Variants in SMIM9 observed in about 807,000 individuals in gnomAD.
SMIM9 encodes chromosome X open reading frame 68.
Under a neutral mutation model 7.2 loss-of-function variants are expected in SMIM9, and 8 were observed. The ratio of observed to expected loss-of-function variants is 1.10; its 90% CI spans 0.65 to 1.99. SMIM9 has a LOEUF of 1.99. SMIM9 is among the 30% of genes most tolerant of loss of function. The pLI, the probability that SMIM9 is intolerant of heterozygous loss-of-function variation, is 0.00. For synonymous variants in SMIM9, 19 were observed against 26.4 expected (o/e 0.72, Z 0.86); for missense variants, 76 against 69.3 (o/e 1.10, Z -0.34).
chrX:154,833,838 G>C (rs1220228907), intron 1 of SMIM9, among the ~76,000 whole-genome samples: 1 of 111,333 alleles, frequency 9.0e-6, no homozygotes, highest in East Asian at 2.8e-4. Context: ...TGGCAAAAAT[G>C]GTATCTCAGT....
At chrX:154,824,204 A>AAAG (rs1226631616) in intron 4 of SMIM9, among the ~76,000 whole-genome samples, 2 of 109,124 alleles carry the variant, frequency 1.8e-5, no homozygotes, top group African/African-American at 6.7e-5. Context: ...AAAAATACAA[A>AAAG]AAATTAGCCT....
Position 154,834,621 on chromosome X carries a change from C to T in SMIM9, c.-268G>A, listed in dbSNP as rs2072460942. ...TGATGAGATTGGAGTCATGTATCTG[C>T]TGGGACTGCAGTCATCTGAAAGCTT... On this transcript the variant is annotated 5_prime_UTR_variant, in exon 1 of 5. Transcript: ENST00000369529. The T allele has an allele frequency of 9.0e-6, 1 of 111,633 alleles. No homozygotes were observed. Among genetic ancestry groups the T allele is most frequent in the East Asian group, 2.8e-4 (1 of 3,572 alleles). The allele number at this position is 111,633 out of a possible 1,213,427, so 9.2% of individuals were successfully genotyped here.
At chrX:154,825,090 C>T (rs2072415069) in intron 4 of SMIM9, among the ~76,000 whole-genome samples, 1 of 112,131 alleles carries the variant, frequency 8.9e-6, no homozygotes, top group African/African-American at 3.2e-5. Flanking sequence ...TTCTGCAACA[C>T]TTAAAAAATT....
chrX:154,829,723 T>C lies in SMIM9; in HGVS notation c.143-59A>G, dbSNP rs1485503655. 5 of 1,103,232 alleles carry C rather than the reference T, an allele frequency of 4.5e-6. No individual in the cohort carries two copies. The East Asian group carries it at 1.7e-4, about 37-fold the overall frequency. 90.9% of individuals were successfully genotyped at this position (1,103,232 alleles called of 1,213,427 possible). On this transcript the variant is annotated intron_variant, in intron 3 of 4. Transcript: ENST00000369529. ...GGTCAAGTAAATGATAGGGCTGGCG[T>C]TTGAATCCAAATTCGAGTTCAAATA...
chrX:154,827,506 AAG>A (rs1473183509), intron 4 of SMIM9: 5 of 112,622 alleles, frequency 4.4e-5, no homozygotes, highest in African/African-American at 1.6e-4. Context: ...GCATATGTGA[AAG>A]AGAGAGGCAG....
intron 4 of SMIM9, among the ~76,000 whole-genome samples, chrX:154,828,635 T>C (rs951371900): frequency 2.7e-5 from 3 of 111,897 alleles, no homozygotes; most frequent in Admixed American, 9.5e-5. Flanking sequence ...TGGCTTATGG[T>C]TTCTCTGGCA....
chrX:154,828,476 A>G (rs782340165), intron 4 of SMIM9, among the ~76,000 whole-genome samples: 71 of 111,168 alleles, frequency 6.4e-4, no homozygotes, highest in African/African-American at 2.2e-3. Context: ...TCTGTGGCCC[A>G]TTGTCCATTC....
intron 4 of SMIM9, among the ~76,000 whole-genome samples, chrX:154,825,155 C>G (rs1309246805): frequency 9.0e-6 from 1 of 110,998 alleles, no homozygotes; most frequent in Non-Finnish European, 1.9e-5. Flanking sequence ...TTTGGGAGGC[C>G]GAGGCGGGTG....
chrX:154,823,747 C>T lies in SMIM9; in HGVS notation c.*8G>A, dbSNP rs1569559130. On this transcript the variant is annotated 3_prime_UTR_variant, in exon 5 of 5. Transcript: ENST00000369529. ...GACCACACTTGCCCTGTTGAATCTTCTAGTTCTTCAGTGGACTGGATCAAC... is the reference window on the plus strand; with the variant it reads ...GACCACACTTGCCCTGTTGAATCTTTTAGTTCTTCAGTGGACTGGATCAAC... 4.3e-6 allele frequency: 5 copies of T among 1,161,908 alleles called. No homozygotes were observed. The highest frequency in any genetic ancestry group is 5.7e-6 in the Non-Finnish European group (5 of 870,578).
chrX:154,829,734 A>G (rs1247023648), intron 3 of SMIM9, 70 bp from the exon 4 acceptor site: 1 of 1,061,464 alleles, frequency 9.4e-7, no homozygotes, highest in African/African-American at 1.9e-5. Context: ...TTGAATCCAA[A>G]TTCGAGTTCA....
rs1318886209 is a variant in SMIM9 at position 154,830,527 on chromosome X, GT to G, written c.142+187del. The G allele has an allele frequency of 4.9e-5, 22 of 451,578 alleles. No homozygotes were observed. In the East Asian group the frequency reaches 8.8e-4, roughly 18 times the overall value. 37.2% of individuals were successfully genotyped at this position (451,578 alleles called of 1,213,427 possible). ...GGCTGTTCAATTCCTAATCCATGTA[GT>G]TCAGAAAAGGGCTTGGTACGTAGTA... On this transcript the variant is annotated intron_variant, in intron 3 of 4. Coordinates refer to ENST00000369529, the MANE Select transcript of SMIM9 (RefSeq NM_001162936.4).
intron 4 of SMIM9, among the ~76,000 whole-genome samples, chrX:154,826,483 C>T (rs1307762543): frequency 8.9e-6 from 1 of 111,949 alleles, no homozygotes; most frequent in African/African-American, 3.3e-5. Flanking sequence ...TCTCAAACTC[C>T]TGGCCTTAAG....
chrX:154,831,392 CAAACTT>C (rs1475704323), intron 2 of SMIM9, among the ~76,000 whole-genome samples: 1 of 111,818 alleles, frequency 8.9e-6, no homozygotes, highest in Non-Finnish European at 1.9e-5. Context: ...ATTCAAGTAA[CAAACTT>C]TAAATTGCTT....
chrX:154,830,660 A>T, intron 3 of SMIM9, 55 bp downstream of exon 3: 1 of 1,132,537 alleles, frequency 8.8e-7, no homozygotes, highest in Admixed American at 2.8e-5. Flanking sequence ...CTGAACTGAA[A>T]CATGAATCTT....
chrX:154,827,614 C>T (rs2072426910), intron 4 of SMIM9, among the ~76,000 whole-genome samples: 1 of 112,265 alleles, frequency 8.9e-6, no homozygotes, highest in Non-Finnish European at 1.9e-5. Flanking sequence ...GTACTGTGGT[C>T]CCAGCCTAAC....
intron 3 of SMIM9, 73 bp from the exon 4 acceptor site, chrX:154,829,737 C>T (rs1224469797): frequency 1.6e-5 from 17 of 1,053,017 alleles, no homozygotes; most frequent in African/African-American, 3.7e-5. Flanking sequence ...AATCCAAATT[C>T]GAGTTCAAAT....
chrX:154,825,991 A>C (rs1430933523), intron 4 of SMIM9, among the ~76,000 whole-genome samples: 1 of 109,994 alleles, frequency 9.1e-6, no homozygotes, highest in Non-Finnish European at 1.9e-5. Flanking sequence ...TAATGGGTGC[A>C]GCACACCAAC....
chrX:154,833,411 GC>G (rs2148553722), intron 1 of SMIM9, among the ~76,000 whole-genome samples: 1 of 112,390 alleles, frequency 8.9e-6, no homozygotes, highest in East Asian at 2.8e-4. Context: ...GATAGCTTGA[GC>G]CCAGGAGTTC....
At chrX:154,825,391 C>A (rs868941961) in intron 4 of SMIM9, among the ~76,000 whole-genome samples, 564 of 70,913 alleles carry the variant, frequency 8.0e-3, no homozygotes, top group Non-Finnish European at 8.9e-3. Flanking sequence ...GACTTCACCT[C>A]AAAAAAAAAA....
Sources: gnomAD v4.1 joint callset for allele counts (sites outside exome capture counted in the v4.1 genomes callset) on GRCh38, gnomAD v4.1.1 for gene constraint, MANE v1.5 for transcripts, NCBI Gene and HGNC (gene_info 2026-07-23, HGNC 2026-07-21) for gene names.